Variants in PIAS2 observed in about 807,000 individuals in gnomAD.
PIAS2 encodes protein inhibitor of activated STAT 2, also known as E3 SUMO-protein ligase PIAS2.
PIAS2 carries 19 observed loss-of-function variants against 69.7 expected under a neutral mutation model. The observed-to-expected ratio is 0.27, with a 90% CI of 0.19 to 0.40. The LOEUF (loss-of-function observed/expected upper bound fraction) is 0.40. Among genes scored for constraint, PIAS2 ranks in the 10% least tolerant of loss-of-function variants. PIAS2 has a pLI of 1.00. For missense variants in PIAS2, 624 were observed against 757.0 expected (o/e 0.82, Z 2.06); for synonymous variants, 261 against 263.2 (o/e 0.99, Z 0.08).
At chr18:46,904,208 T>C (rs1423987301) in intron 1 of PIAS2, 3 of 151,208 alleles carry the variant, frequency 2.0e-5, no homozygotes, top group Non-Finnish European at 3.0e-5. Flanking sequence ...ATGTTAACTC[T>C]GAAAAAAAAC....
At chr18:46,897,299 G>C (rs375759891) in intron 1 of PIAS2, among the ~76,000 whole-genome samples, 3 of 152,230 alleles carry the variant, frequency 2.0e-5, no homozygotes, top group South Asian at 4.2e-4. Context: ...TGCAGGTCTG[G>C]GGCAGGAAAT....
At chr18:46,878,156 A>C in intron 2 of PIAS2, among the ~76,000 whole-genome samples, 1 of 152,208 alleles carries the variant, frequency 6.6e-6, no homozygotes, top group East Asian at 1.9e-4. Flanking sequence ...TTACTATCCA[A>C]GTTATTTAGG....
chr18:46,804,506 T>C lies in PIAS2; in HGVS notation c.*7927A>G, dbSNP rs2144645729. 1 of 152,330 alleles carries C rather than the reference T, an allele frequency of 6.6e-6. No homozygotes were observed. The highest frequency in any genetic ancestry group is 2.4e-5 in the African/African-American group (1 of 41,574). 9.4% of individuals were successfully genotyped at this position (152,330 alleles called of 1,614,324 possible). A position where few individuals can be genotyped will look rare whatever the true frequency, so the allele number is the denominator to read the frequency against. Reference sequence around the variant, plus strand: ...AAATTCTCATTACTACTAATGATCATGAAAACTCTTCAATGTCTCATCACT... The same window carrying C: ...AAATTCTCATTACTACTAATGATCACGAAAACTCTTCAATGTCTCATCACT... On this transcript the variant is annotated 3_prime_UTR_variant, in exon 14 of 14. Coordinates refer to ENST00000585916, the MANE Select transcript of PIAS2 (RefSeq NM_004671.5).
rs986905105 is a variant in PIAS2, at chr18:46,806,664, C to T, written c.*5769G>A. 1 of 152,066 alleles carries T rather than the reference C, an allele frequency of 6.6e-6. No individual in the cohort carries two copies. The highest frequency in any genetic ancestry group is 2.4e-5 in the African/African-American group (1 of 41,394). 9.4% of individuals were successfully genotyped at this position (152,066 alleles called of 1,614,324 possible). A position where few individuals can be genotyped will look rare whatever the true frequency, so the allele number is the denominator to read the frequency against. On this transcript the variant is annotated 3_prime_UTR_variant, in exon 14 of 14. Transcript: ENST00000585916. ...AGCCACCATGCCCAGCTTAAGAATT[C>T]TTGATTTTTGGAACCTTGATTATAA... is the stretch of plus-strand genomic sequence containing the variant.
chr18:46,829,832 A>G lies in PIAS2; in HGVS notation c.1238T>C (p.Val413Ala), dbSNP rs753625619. The G allele has an allele frequency of 1.9e-6, 3 of 1,613,316 alleles. No homozygotes were observed. Among genetic ancestry groups the G allele is most frequent in the South Asian group, 2.2e-5 (2 of 90,954 alleles). ...FMEILNDCSDVDEIKFQEDGS... is the reference protein window; with the variant it reads ...FMEILNDCSDADEIKFQEDGS... ...ATCTTCTTGGAATTTGATCTCATCT[A>G]CATCAGAACAGTCATTGAGAATTTC... is the stretch of plus-strand genomic sequence containing the variant. Residue 413 changes from valine to alanine, a missense_variant, in exon 10 of 14, where the codon GTA becomes GCA. By Grantham distance (64) the Val-to-Ala change is moderately conservative. Transcript: ENST00000585916.
chr18:46,879,747 A>G (rs763771459), intron 2 of PIAS2, among the ~76,000 whole-genome samples: 1 of 152,242 alleles, frequency 6.6e-6, no homozygotes, highest in Non-Finnish European at 1.5e-5. Context: ...AAAATCTGAC[A>G]TGTTATAACA....
intron 2 of PIAS2, among the ~76,000 whole-genome samples, chr18:46,866,799 TA>T (rs1436384281): frequency 6.6e-6 from 1 of 152,142 alleles, no homozygotes; most frequent in Non-Finnish European, 1.5e-5. Context: ...GAAATCTCCC[TA>T]AAGACCCTGA....
At chr18:46,819,059 A>G (rs1468507939) in intron 12 of PIAS2, among the ~76,000 whole-genome samples, 2 of 152,168 alleles carry the variant, frequency 1.3e-5, no homozygotes, top group Non-Finnish European at 2.9e-5. Flanking sequence ...TAACAGGGCA[A>G]GTGATTGGTA....
chr18:46,874,706 A>T (rs184458830), intron 2 of PIAS2, among the ~76,000 whole-genome samples: 1 of 152,286 alleles, frequency 6.6e-6, no homozygotes, highest in Admixed American at 6.5e-5. Flanking sequence ...CCTACGTTTG[A>T]AACTAAAGAT....
rs527627578 is a variant in PIAS2, at chr18:46,902,906, C to A, written c.25-11852G>T. 4.6e-5 allele frequency among the ~76,000 whole-genome samples: 7 copies of A among 152,240 alleles called. No individual in the cohort carries two copies. The East Asian group carries it at 9.6e-4, about 21-fold the overall frequency. On this transcript the variant is annotated intron_variant, in intron 1 of 13. Transcript: ENST00000585916. Reference sequence around the variant, plus strand: ...AGAGAATACAGAACCCAGAAACAGACATATACATACATACCCAAATAATTT... The same window carrying A: ...AGAGAATACAGAACCCAGAAACAGAAATATACATACATACCCAAATAATTT...
In PIAS2 at chr18:46,855,607, A is replaced by G. The variant is rs1277168199; in HGVS notation, c.593T>C (p.Leu198Ser). ...VREICISRDF[L>S]PGGRRDYTVQ... is the part of the protein sequence containing the mutation. ...TGTATAATCTCTCCTACCACCTGGC[A>G]AAAAATCCCTGTTGGAAAGAGAAAG... Residue 198 changes from leucine (L) to serine (S), a missense_variant, in exon 4 of 14, where the codon TTG becomes TCG. Leu to Ser is a moderately radical substitution (Grantham distance 145). Coordinates refer to ENST00000585916, the MANE Select transcript of PIAS2 (RefSeq NM_004671.5). 1 of 1,612,718 alleles carries G rather than the reference A, an allele frequency of 6.2e-7. No homozygotes were observed. Among genetic ancestry groups the G allele is most frequent in the Non-Finnish European group, 8.5e-7 (1 of 1,178,852 alleles).
chr18:46,827,850 A>T, intron 11 of PIAS2, 109 bp downstream of exon 11: 1 of 954,538 alleles, frequency 1.0e-6, no homozygotes, highest in Non-Finnish European at 1.5e-6. Context: ...AAGGCAAATT[A>T]AAATAGCCTT....
intron 2 of PIAS2, among the ~76,000 whole-genome samples, chr18:46,887,596 G>T (rs2053419303): frequency 6.6e-6 from 1 of 152,192 alleles, no homozygotes; most frequent in African/African-American, 2.4e-5. Flanking sequence ...TAGTCACATT[G>T]TAAGCAATTG....
chr18:46,861,975 C>T (rs1467062015), intron 3 of PIAS2, among the ~76,000 whole-genome samples: 2 of 151,994 alleles, frequency 1.3e-5, no homozygotes, highest in African/African-American at 4.8e-5. Flanking sequence ...TTAAAGGAAA[C>T]AGGGATAAAG....
At chr18:46,878,812 G>A (rs2051688493) in intron 2 of PIAS2, among the ~76,000 whole-genome samples, 1 of 152,216 alleles carries the variant, frequency 6.6e-6, no homozygotes, top group Admixed American at 6.5e-5. Flanking sequence ...AGTTTGCAGT[G>A]AGCGGAGATC....
chr18:46,895,206 T>C (rs2054656953), intron 1 of PIAS2, among the ~76,000 whole-genome samples: 1 of 152,134 alleles, frequency 6.6e-6, no homozygotes, highest in African/African-American at 2.4e-5. Context: ...AATAACGGCC[T>C]AGAATTTGGG....
At chr18:46,870,593 G>A (rs1027262918) in intron 2 of PIAS2, among the ~76,000 whole-genome samples, 1 of 116,398 alleles carries the variant, frequency 8.6e-6, no homozygotes, top group Non-Finnish European at 1.6e-5. Context: ...TCCAGCCTGG[G>A]CAACAGAGCA....
chr18:46,904,587 C>T (rs1316261026), intron 1 of PIAS2, among the ~76,000 whole-genome samples: 2 of 152,054 alleles, frequency 1.3e-5, no homozygotes, highest in African/African-American at 4.8e-5. Context: ...ACCATCTCTA[C>T]TAAAAATACA....
In PIAS2 at chr18:46,808,937, T is replaced by A. The variant is rs1419244464; in HGVS notation, c.*3496A>T. ...ACTTTACTTAAAATACAAACAAACG[T>A]CAACTAATGAATACTTTATTGGCAG... On this transcript the variant is annotated 3_prime_UTR_variant, in exon 14 of 14. Transcript: ENST00000585916. 6.7e-6 allele frequency: 1 copy of A among 149,152 alleles called. No individual in the cohort carries two copies. Among genetic ancestry groups the A allele is most frequent in the African/African-American group, 2.5e-5 (1 of 40,398 alleles). 9.2% of individuals were successfully genotyped at this position (149,152 alleles called of 1,614,324 possible). A position where few individuals can be genotyped will look rare whatever the true frequency, so the allele number is the denominator to read the frequency against.
Sources: allele counts gnomAD v4.1 joint callset (sites outside exome capture counted in the v4.1 genomes callset), GRCh38; gene constraint gnomAD v4.1.1; transcripts MANE v1.5; gene names NCBI Gene and HGNC (gene_info 2026-07-23, HGNC 2026-07-21).